ATP10A: variants seen among roughly 807,000 people sequenced by gnomAD.
ATP10A encodes the protein phospholipid-transporting ATPase VA.
ATP10A carries 111 observed loss-of-function variants against 147.8 expected under a neutral mutation model. That is an observed-to-expected ratio of 0.75 (90% CI 0.64 to 0.88). The LOEUF (loss-of-function observed/expected upper bound fraction) is 0.88, where lower values mean the gene tolerates loss of function less well. ATP10A is among the 40% of genes least tolerant of loss of function. The probability of loss-of-function intolerance (pLI) is 0.00; values close to 1 mark genes in which losing one functional copy is unlikely to be tolerated. For missense variants in ATP10A, 1,927 were observed against 1,959.0 expected, an observed-to-expected ratio of 0.98 and a Z score of 0.31; for synonymous variants, 875 against 841.6, an observed-to-expected ratio of 1.04 and a Z score of -0.69.
intron 5 of ATP10A, among the ~76,000 whole-genome samples, chr15:25,725,188 G>A (rs749671990): frequency 1.3e-5 from 2 of 152,114 alleles, no homozygotes; most frequent in Non-Finnish European, 2.9e-5. Flanking sequence ...TAGGTTGCAC[G>A]CTCCTGATGA....
intron 2 of ATP10A, among the ~76,000 whole-genome samples, chr15:25,756,406 G>C (rs1888410914): frequency 6.6e-6 from 1 of 152,208 alleles, no homozygotes. Context: ...CACTTTGGGA[G>C]GCCGAGGCGA....
At chr15:25,834,595 C>T (rs551814749) in intron 1 of ATP10A, among the ~76,000 whole-genome samples, 1 of 152,240 alleles carries the variant, frequency 6.6e-6, no homozygotes, top group South Asian at 2.1e-4. Context: ...ATCGTGTGCT[C>T]CAGCAAGTCT....
intron 1 of ATP10A, among the ~76,000 whole-genome samples, chr15:25,795,189 C>T (rs917646015): frequency 2.6e-5 from 4 of 152,178 alleles, no homozygotes; most frequent in Admixed American, 6.5e-5. Context: ...CAATGAGCAG[C>T]GCCCCCTTCT....
chr15:25,771,667 TTCC>T (rs1889344477), intron 2 of ATP10A, among the ~76,000 whole-genome samples: 1 of 152,082 alleles, frequency 6.6e-6, no homozygotes, highest in Non-Finnish European at 1.5e-5. Flanking sequence ...AAAGTGACCA[TTCC>T]CTGGCTGCCT....
At chr15:25,824,358 C>T (rs1028222436) in intron 1 of ATP10A, among the ~76,000 whole-genome samples, 3 of 151,076 alleles carry the variant, frequency 2.0e-5, no homozygotes, top group African/African-American at 7.3e-5. Flanking sequence ...CTTGTGGTCC[C>T]AGCTTCTAGG....
intron 1 of ATP10A, among the ~76,000 whole-genome samples, chr15:25,857,900 T>A (rs1394574824): frequency 1.3e-5 from 2 of 152,116 alleles, no homozygotes; most frequent in African/African-American, 2.4e-5. Flanking sequence ...GGAATGGGGA[T>A]GTGGAAATGA....
At chr15:25,750,902 G>C (rs1045413037) in intron 2 of ATP10A, among the ~76,000 whole-genome samples, 2 of 151,720 alleles carry the variant, frequency 1.3e-5, no homozygotes, top group African/African-American at 4.8e-5. Context: ...ATAGCTAATG[G>C]GAGAAAAAAG....
intron 1 of ATP10A, among the ~76,000 whole-genome samples, chr15:25,786,325 G>A (rs929153191): frequency 2.0e-5 from 3 of 152,220 alleles, no homozygotes; most frequent in Non-Finnish European, 2.9e-5. Flanking sequence ...ACGGCTGGAA[G>A]GACATCTCGA....
intron 2 of ATP10A, among the ~76,000 whole-genome samples, chr15:25,774,544 C>G (rs1173246660): frequency 6.6e-6 from 1 of 151,124 alleles, no homozygotes; most frequent in Non-Finnish European, 1.5e-5. Flanking sequence ...CCATTGCACT[C>G]CAGCCTGGGC....
intron 5 of ATP10A, 45 bp from the exon 6 acceptor site, chr15:25,724,066 A>G (rs376717093): frequency 2.1e-6 from 3 of 1,457,476 alleles, no homozygotes; most frequent in Non-Finnish European, 2.7e-6. Context: ...CAATGGAAAA[A>G]TAAGAATATT....
chr15:25,716,666 A>C, intron 9 of ATP10A, 64 bp downstream of exon 9: 2 of 1,427,652 alleles, frequency 1.4e-6, no homozygotes, highest in Non-Finnish European at 1.9e-6. Context: ...CCTCAGGAGG[A>C]CTGACAACCA....
chr15:25,718,912 C>A (rs1017995099), intron 7 of ATP10A, among the ~76,000 whole-genome samples: 2 of 152,132 alleles, frequency 1.3e-5, no homozygotes, highest in African/African-American at 2.4e-5. Context: ...ACAGCTTGGA[C>A]CCCTACAGCT....
intron 7 of ATP10A, among the ~76,000 whole-genome samples, chr15:25,721,434 C>T (rs562710705): frequency 5.3e-5 from 8 of 152,284 alleles, no homozygotes; most frequent in South Asian, 4.1e-4. Flanking sequence ...AGGAACAGGG[C>T]GGGCGGCCGT....
At chr15:25,767,107 T>C (rs192969394) in intron 2 of ATP10A, among the ~76,000 whole-genome samples, 4 of 152,316 alleles carry the variant, frequency 2.6e-5, no homozygotes, top group Non-Finnish European at 5.9e-5. Context: ...TGTTCTGGTC[T>C]AGAGAGCCAT....
chr15:25,830,688 A>T (rs1158051376), intron 1 of ATP10A, among the ~76,000 whole-genome samples: 9 of 152,124 alleles, frequency 5.9e-5, no homozygotes, highest in African/African-American at 2.2e-4. Flanking sequence ...CTTCAGTCCC[A>T]AACTCAGAGG....
intron 1 of ATP10A, among the ~76,000 whole-genome samples, chr15:25,802,696 T>C (rs1471684060): frequency 1.3e-5 from 2 of 152,160 alleles, no homozygotes; most frequent in Non-Finnish European, 1.5e-5. Context: ...AAGCCAGCAA[T>C]GGTGGCAAGT....
chr15:25,809,209 C>T (rs956364441), intron 1 of ATP10A, among the ~76,000 whole-genome samples: 1 of 152,054 alleles, frequency 6.6e-6, no homozygotes, highest in Non-Finnish European at 1.5e-5. Flanking sequence ...CAGAAAGAGC[C>T]CAACTGAGTG....
intron 1 of ATP10A, among the ~76,000 whole-genome samples, chr15:25,795,151 T>C (rs922888245): frequency 5.3e-5 from 8 of 152,160 alleles, no homozygotes; most frequent in African/African-American, 1.9e-4. Context: ...ATATCCCAGG[T>C]ATCTTATGTG....
intron 1 of ATP10A, among the ~76,000 whole-genome samples, chr15:25,844,526 G>A (rs1008886723): frequency 2.6e-5 from 4 of 152,156 alleles, no homozygotes; most frequent in African/African-American, 7.2e-5. Context: ...AATTGAAATT[G>A]TTTTCTTTCA....
Sources: allele counts gnomAD v4.1 joint callset (sites outside exome capture counted in the v4.1 genomes callset), GRCh38; gene constraint gnomAD v4.1.1; transcripts MANE v1.5; gene names NCBI Gene and HGNC (gene_info 2026-07-23, HGNC 2026-07-21).